The following PPHLN1 variants were observed in gnomAD, a reference collection of about 807,000 sequenced individuals.
PPHLN1 encodes the protein periphilin-1.
In PPHLN1, 29 loss-of-function variants were observed where a neutral mutation model predicts 51.3. The observed-to-expected ratio is 0.57, with a 90% CI of 0.42 to 0.77. The LOEUF (loss-of-function observed/expected upper bound fraction) is 0.77, where lower values mean the gene tolerates loss of function less well. PPHLN1 is among the 30% of genes least tolerant of loss of function. The pLI is 0.00. For synonymous variants in PPHLN1, 147 were observed against 147.8 expected, an observed-to-expected ratio of 0.99 and a Z score of 0.04; for missense variants, 436 against 438.4, an observed-to-expected ratio of 0.99 and a Z score of 0.05.
intron 9 of PPHLN1, among the ~76,000 whole-genome samples, chr12:42,402,190 G>GA (rs1243188674): frequency 3.3e-5 from 5 of 152,308 alleles, no homozygotes; most frequent in Admixed American, 6.5e-5. Flanking sequence ...GACACTTGGG[G>GA]AAAGGGATTG....
At chr12:42,424,182 G>T (rs1229898559) in intron 9 of PPHLN1, among the ~76,000 whole-genome samples, 1 of 152,150 alleles carries the variant, frequency 6.6e-6, no homozygotes, top group Non-Finnish European at 1.5e-5. Flanking sequence ...AGAAGGCCAG[G>T]TAACATCTAT....
intron 9 of PPHLN1, among the ~76,000 whole-genome samples, chr12:42,404,625 G>T (rs994611581): frequency 3.9e-5 from 6 of 152,120 alleles, no homozygotes; most frequent in African/African-American, 1.4e-4. Flanking sequence ...TCAAGGTTTC[G>T]ACTATTTGCC....
rs991065121 is a variant in PPHLN1, at chr12:42,393,655, A to G, written c.734A>G (p.Asp245Gly). Residue 245 changes from aspartate (D) to glycine (G), a missense_variant, in exon 8 of 10, where the codon GAT becomes GGT. Physicochemically the swap from Asp to Gly is moderately conservative, Grantham distance 94. Coordinates refer to ENST00000358314, the MANE Select transcript of PPHLN1 (RefSeq NM_201439.2). ...KWAAEKLEKS[D>G]ESNLPEISEY... ...GCTGCTGAAAAGCTAGAGAAATCAGATGAAAGTAACTTGCCTGAAATTTCT... is the reference window on the plus strand; with the variant it reads ...GCTGCTGAAAAGCTAGAGAAATCAGGTGAAAGTAACTTGCCTGAAATTTCT... 1.5e-5 allele frequency: 24 copies of G among 1,610,114 alleles called. No individual in the cohort carries two copies. In the Admixed American group the frequency reaches 3.4e-4, roughly 23 times the overall value.
chr12:42,425,338 G>C (rs1022901585), intron 9 of PPHLN1, among the ~76,000 whole-genome samples: 1 of 147,162 alleles, frequency 6.8e-6, no homozygotes, highest in Non-Finnish European at 1.5e-5. Context: ...TGATCTGCCT[G>C]CCTCGGCCTC....
At chr12:42,400,986 A>G (rs1370965505) in intron 9 of PPHLN1, among the ~76,000 whole-genome samples, 1 of 152,196 alleles carries the variant, frequency 6.6e-6, no homozygotes, top group Non-Finnish European at 1.5e-5. Context: ...ATATGCATGT[A>G]TATTTTTAAT....
At chr12:42,375,862 GT>G (rs1310614238) in intron 5 of PPHLN1, among the ~76,000 whole-genome samples, 1 of 152,082 alleles carries the variant, frequency 6.6e-6, no homozygotes, top group African/African-American at 2.4e-5. Flanking sequence ...AGTAGAGCTC[GT>G]TCACATAACA....
chr12:42,404,638 T>G (rs765693624), intron 9 of PPHLN1, among the ~76,000 whole-genome samples: 3 of 152,218 alleles, frequency 2.0e-5, no homozygotes, highest in Non-Finnish European at 2.9e-5. Flanking sequence ...TATTTGCCTC[T>G]TACCTCTTCA....
intron 5 of PPHLN1, among the ~76,000 whole-genome samples, chr12:42,378,008 G>T (rs1360952101): frequency 3.9e-5 from 6 of 152,110 alleles, no homozygotes; most frequent in East Asian, 1.9e-4. Context: ...AATAAAGTTG[G>T]TAGACTAAAA....
intron 9 of PPHLN1, among the ~76,000 whole-genome samples, chr12:42,421,328 A>G (rs989603904): frequency 3.3e-5 from 5 of 151,736 alleles, no homozygotes; most frequent in Non-Finnish European, 5.9e-5. Context: ...CTCTGTGAAA[A>G]CTATCTTTAT....
intron 3 of PPHLN1, among the ~76,000 whole-genome samples, chr12:42,353,156 G>C (rs115905201): frequency 0.012 from 1,797 of 152,034 alleles, 41 homozygotes; most frequent in African/African-American, 0.041. Flanking sequence ...TCTTAATAAT[G>C]TAGAAGTATG....
At chr12:42,411,579 C>T (rs1297766550) in intron 9 of PPHLN1, among the ~76,000 whole-genome samples, 1 of 152,164 alleles carries the variant, frequency 6.6e-6, no homozygotes, top group African/African-American at 2.4e-5. Context: ...TTATTGCATC[C>T]ATCACCAAGC....
At chr12:42,361,846 A>T (rs1035870781) in intron 4 of PPHLN1, 13 of 152,192 alleles carry the variant, frequency 8.5e-5, no homozygotes, top group Non-Finnish European at 1.9e-4. Flanking sequence ...ACATTGGCCT[A>T]CGAATACCTC....
chr12:42,392,536 G>C (rs373668069), intron 7 of PPHLN1, among the ~76,000 whole-genome samples: 1 of 152,176 alleles, frequency 6.6e-6, no homozygotes, highest in Admixed American at 6.5e-5. Context: ...ATGCAACTAA[G>C]CATGGCAGGG....
intron 4 of PPHLN1, among the ~76,000 whole-genome samples, chr12:42,374,473 T>C (rs1592512635): frequency 6.6e-6 from 1 of 152,128 alleles, no homozygotes; most frequent in African/African-American, 2.4e-5. Flanking sequence ...ACAGTCTCGC[T>C]CTGTTGCCCA....
At chr12:42,366,156 A>G (rs980162094) in intron 4 of PPHLN1, among the ~76,000 whole-genome samples, 4 of 151,926 alleles carry the variant, frequency 2.6e-5, no homozygotes, top group Non-Finnish European at 5.9e-5. Flanking sequence ...TCGAGATGAT[A>G]CTTGCACAAA....
At chr12:42,345,868 T>C (rs2072241101) in intron 2 of PPHLN1, among the ~76,000 whole-genome samples, 1 of 152,046 alleles carries the variant, frequency 6.6e-6, no homozygotes, top group Non-Finnish European at 1.5e-5. Context: ...ATGGTGCCAT[T>C]GTTTTTCAAG....
chr12:42,326,847 C>T (rs981763196), intron 1 of PPHLN1, among the ~76,000 whole-genome samples: 1 of 152,206 alleles, frequency 6.6e-6, no homozygotes, highest in Non-Finnish European at 1.5e-5. Flanking sequence ...CCTACCAGCA[C>T]ATACAGACCA....
chr12:42,332,810 A>C, intron 1 of PPHLN1: 1 of 562,594 alleles, frequency 1.8e-6, no homozygotes, highest in Non-Finnish European at 2.9e-6. Context: ...TTTCTTTAGA[A>C]CTCTTATTGT....
chr12:42,406,085 G>A (rs2079268851), intron 9 of PPHLN1, among the ~76,000 whole-genome samples: 1 of 120,832 alleles, frequency 8.3e-6, no homozygotes, highest in Admixed American at 8.6e-5. Context: ...AGTTTAGTCT[G>A]GTTTTTTTTT....
Sources: allele counts gnomAD v4.1 joint callset (sites outside exome capture counted in the v4.1 genomes callset), GRCh38; gene constraint gnomAD v4.1.1; transcripts MANE v1.5; gene names NCBI Gene and HGNC (gene_info 2026-07-23, HGNC 2026-07-21).